INHBA: variants seen among roughly 807,000 people sequenced by gnomAD.
INHBA encodes the protein inhibin subunit beta A.
A neutral mutation model predicts 29.0 loss-of-function variants in INHBA; 1 was observed. The ratio of observed to expected loss-of-function variants is 0.03; its 90% CI spans 0.01 to 0.16. INHBA has a LOEUF of 0.16. INHBA is among the 10% of genes least tolerant of loss of function. The probability of loss-of-function intolerance (pLI) is 1.00; values close to 1 mark genes in which losing one functional copy is unlikely to be tolerated. For synonymous variants in INHBA, 242 were observed against 216.8 expected, an observed-to-expected ratio of 1.12 and a Z score of -1.02; for missense variants, 376 against 545.4, an observed-to-expected ratio of 0.69 and a Z score of 3.09.
intron 2 of INHBA, among the ~76,000 whole-genome samples, chr7:41,692,964 A>T (rs529280960): frequency 6.6e-6 from 1 of 152,086 alleles, no homozygotes; most frequent in East Asian, 1.9e-4. Context: ...GCCGAGGGAA[A>T]CCTCCCAAGC....
chr7:41,701,232 C>G (rs928068861), intron 1 of INHBA, among the ~76,000 whole-genome samples: 12 of 152,082 alleles, frequency 7.9e-5, no homozygotes, highest in Admixed American at 5.2e-4. Context: ...TCCACCCAGC[C>G]AAGCCACAGC....
At position 41,686,160 on chromosome 7, in the gene INHBA, T is replaced by C. The variant is rs1279768388; in HGVS notation, c.*3490A>G. The C allele has an allele frequency of 1.3e-5, 2 of 152,146 alleles. No homozygotes were observed. The highest frequency in any genetic ancestry group is 2.9e-5 in the Non-Finnish European group (2 of 67,996). 9.4% of individuals were successfully genotyped at this position (152,146 alleles called of 1,614,324 possible). On this transcript the variant is annotated 3_prime_UTR_variant, in exon 3 of 3. Transcript: ENST00000242208. ...GTATGGAATCAATCTTAAATAAATA[T>C]GAAATTGGTTGGTCTTCTGGGATAA... is the stretch of plus-strand genomic sequence containing the variant.
rs889036960 is a variant in INHBA, at chr7:41,687,968, A to T, written c.*1682T>A. 4 of 152,222 alleles carry T rather than the reference A, an allele frequency of 2.6e-5. No individual in the cohort carries two copies. The highest frequency in any genetic ancestry group is 9.6e-5 in the African/African-American group (4 of 41,462). 9.4% of individuals were successfully genotyped at this position (152,222 alleles called of 1,614,324 possible). A position where few individuals can be genotyped will look rare whatever the true frequency, so the allele number is the denominator to read the frequency against. On this transcript the variant is annotated 3_prime_UTR_variant, in exon 3 of 3. Transcript: ENST00000242208. ...TGTAGAAGTGGGAGGGGGCACAAAA[A>T]AGAGGAGGAAATTTGATCCCTGTAC...
intron 1 of INHBA, among the ~76,000 whole-genome samples, chr7:41,702,368 C>T (rs1031958490): frequency 1.3e-5 from 2 of 152,146 alleles, no homozygotes; most frequent in Non-Finnish European, 2.9e-5. Context: ...TAACCTAACA[C>T]CTTTGGGGTT....
intron 2 of INHBA, among the ~76,000 whole-genome samples, chr7:41,699,423 A>G (rs144819172): frequency 6.6e-6 from 1 of 152,326 alleles, no homozygotes; most frequent in Non-Finnish European, 1.5e-5. Flanking sequence ...TTCTAAAGGT[A>G]AAAATGACTG....
chr7:41,686,988 C>G lies in INHBA; in HGVS notation c.*2662G>C, dbSNP rs1375993270. On this transcript the variant is annotated 3_prime_UTR_variant, in exon 3 of 3. Transcript: ENST00000242208. ...AGAAATTTTGTAAAGTTGAACATGG[C>G]CATCTACTCTTGCCTTAAAACTTTT... The G allele has an allele frequency of 6.6e-6, 1 of 152,182 alleles. No individual in the cohort carries two copies. The highest frequency in any genetic ancestry group is 1.5e-5 in the Non-Finnish European group (1 of 68,026). 9.4% of individuals were successfully genotyped at this position (152,182 alleles called of 1,614,324 possible).
rs780890864 is a variant in INHBA, at chr7:41,690,357, C to A, written c.574G>T (p.Ala192Ser). Residue 192 changes from alanine (A) to serine (S), a missense_variant, in exon 3 of 3, where the codon GCC (alanine) becomes TCC (serine). By Grantham distance (99) the Ala-to-Ser change is moderately conservative. This residue lies in a region of INHBA where 253 missense variants were observed against 313.4 expected (regional missense o/e 0.81). Transcript: ENST00000242208. ...PQGSLDTGEE[A>S]EEVGLKGERS... ...TCCCCCTTTAAGCCCACTTCCTCGG[C>A]CTCTTCCCCTGTGTCCAAGCTGCCC... The A allele has an allele frequency of 1.2e-6, 2 of 1,613,998 alleles. No homozygotes were observed. The highest frequency in any genetic ancestry group is 2.7e-5 in the African/African-American group (2 of 74,906).
In INHBA at chr7:41,685,408, C is replaced by T. The variant is rs1334950503; in HGVS notation, c.*4242G>A. On this transcript the variant is annotated 3_prime_UTR_variant, in exon 3 of 3. Transcript: ENST00000242208. ...TCATATAAATTAACAACTTTAATTA[C>T]ATTAGCCAAACAGACATTGGTTAAA... is the stretch of plus-strand genomic sequence containing the variant. 1 of 152,030 alleles carries T rather than the reference C, an allele frequency of 6.6e-6. No homozygotes were observed. Among genetic ancestry groups the T allele is most frequent in the Non-Finnish European group, 1.5e-5 (1 of 67,956 alleles). 9.4% of individuals were successfully genotyped at this position (152,030 alleles called of 1,614,324 possible).
chr7:41,686,864 C>T lies in INHBA; in HGVS notation c.*2786G>A, dbSNP rs1794403598. On this transcript the variant is annotated 3_prime_UTR_variant, in exon 3 of 3. Coordinates refer to ENST00000242208, the MANE Select transcript of INHBA (RefSeq NM_002192.4). ...CTGCTTTTTCCATGGCCTTGACCAT[C>T]TTTGCTACTGCGCAGTGAACCAGGA... The T allele has an allele frequency of 6.6e-6, 1 of 152,206 alleles. No homozygotes were observed. The highest frequency in any genetic ancestry group is 2.4e-5 in the African/African-American group (1 of 41,464). 9.4% of individuals were successfully genotyped at this position (152,206 alleles called of 1,614,324 possible). A position where few individuals can be genotyped will look rare whatever the true frequency, so the allele number is the denominator to read the frequency against.
At chr7:41,698,023 G>A (rs570092810) in intron 2 of INHBA, among the ~76,000 whole-genome samples, 1 of 152,098 alleles carries the variant, frequency 6.6e-6, no homozygotes, top group African/African-American at 2.4e-5. Context: ...TCTTAAACTT[G>A]ACTCAATGTG....
chr7:41,700,439 G>C lies in INHBA; in HGVS notation c.-65C>G. The C allele has an allele frequency of 7.5e-7, 1 of 1,332,330 alleles. No homozygotes were observed. The highest frequency in any genetic ancestry group is 9.7e-7 in the Non-Finnish European group (1 of 1,029,672). The allele number at this position is 1,332,330 out of a possible 1,614,324, so 82.5% of individuals were successfully genotyped here. ...CCCTGCTTTTCCTCCCCCCTCACGC[G>C]CAGGTTTTTTTGTGTGTGTGGATTT... On this transcript the variant is annotated 5_prime_UTR_variant, in exon 2 of 3. Transcript: ENST00000242208.
rs866097712 is a variant in INHBA at position 41,688,063 on chromosome 7, C to A, written c.*1587G>T. 2 of 152,150 alleles carry A rather than the reference C, an allele frequency of 1.3e-5. No homozygotes were observed. Among genetic ancestry groups the A allele is most frequent in the African/African-American group, 4.8e-5 (2 of 41,432 alleles). The allele number at this position is 152,150 out of a possible 1,614,324, so 9.4% of individuals were successfully genotyped here. ...TTTTCCCATCCGAATTTTTGAAATGCGCCCACCTAGTTCAGAGTAAAAGCA... is the reference window on the plus strand; with the variant it reads ...TTTTCCCATCCGAATTTTTGAAATGAGCCCACCTAGTTCAGAGTAAAAGCA... On this transcript the variant is annotated 3_prime_UTR_variant, in exon 3 of 3. Coordinates refer to ENST00000242208, the MANE Select transcript of INHBA (RefSeq NM_002192.4).
Position 41,700,469 on chromosome 7 carries a change from A to ATTTT in INHBA, c.-99_-96dup, listed in dbSNP as rs111584790. On this transcript the variant is annotated 5_prime_UTR_variant, in exon 2 of 3. Transcript: ENST00000242208. ...TTTTTTTGTGTGTGTGGATTTTTTT[A>ATTTT]TTTTTTTTTTTGGTGTTTTTTTTTT... The ATTTT allele has an allele frequency of 2.9e-3, 2,752 of 944,230 alleles. 1 individual carries two copies. Among genetic ancestry groups the ATTTT allele is most frequent in the African/African-American group, 5.4e-3 (300 of 55,936 alleles). The allele number at this position is 944,230 out of a possible 1,614,324, so 58.5% of individuals were successfully genotyped here.
intron 2 of INHBA, among the ~76,000 whole-genome samples, chr7:41,696,660 GTAACCCCT>G (rs1348333120): frequency 2.0e-5 from 3 of 152,178 alleles, no homozygotes; most frequent in Non-Finnish European, 4.4e-5. Context: ...AAGAGAGCGT[GTAACCCCT>G]AAAGGCATCC....
At chr7:41,696,208 T>A (rs898429077) in intron 2 of INHBA, among the ~76,000 whole-genome samples, 1 of 152,180 alleles carries the variant, frequency 6.6e-6, no homozygotes, top group Admixed American at 6.5e-5. Context: ...GCAGGAAAAC[T>A]AGGCAACAAA....
At chr7:41,703,694 A>T (rs188485004), upstream of INHBA, among the ~76,000 whole-genome samples, 15 of 152,090 alleles carry the variant, frequency 9.9e-5, no homozygotes, top group East Asian at 2.7e-3. Flanking sequence ...GAACTTTGGA[A>T]ATAGTAATTC....
chr7:41,704,976 C>T (rs1291965733), upstream of INHBA, among the ~76,000 whole-genome samples: 1 of 152,116 alleles, frequency 6.6e-6, no homozygotes, highest in East Asian at 1.9e-4. Flanking sequence ...GGCCAGCCTA[C>T]CAGCCGTGCT....
chr7:41,696,922 G>C (rs1203238065), intron 2 of INHBA, among the ~76,000 whole-genome samples: 1 of 152,140 alleles, frequency 6.6e-6, no homozygotes, highest in African/African-American at 2.4e-5. Flanking sequence ...ATTTCTTGGT[G>C]TGTCATTTGT....
intron 1 of INHBA, among the ~76,000 whole-genome samples, chr7:41,701,216 C>G (rs1030954180): frequency 6.6e-6 from 1 of 152,018 alleles, no homozygotes; most frequent in Admixed American, 6.5e-5. Context: ...GTGTTCCCAC[C>G]GCCCCTCCAC....
Sources: allele counts gnomAD v4.1 joint callset (sites outside exome capture counted in the v4.1 genomes callset), GRCh38; gene constraint gnomAD v4.1.1; regional missense constraint gnomAD v4.1.1; transcripts MANE v1.5; gene names NCBI Gene and HGNC (gene_info 2026-07-23, HGNC 2026-07-21).